The following ADAMTSL1 variants were observed in gnomAD, a reference collection of about 807,000 sequenced individuals.
ADAMTSL1 encodes ADAMTS like 1.
In ADAMTSL1, 126 loss-of-function variants were observed where a neutral mutation model predicts 201.8. The observed-to-expected ratio is 0.62, with a 90% CI of 0.54 to 0.72. The LOEUF is 0.72. ADAMTSL1 is among the 30% of genes least tolerant of loss of function. The pLI is 0.00. For missense variants in ADAMTSL1, 2,679 were observed against 2,277.8 expected, an observed-to-expected ratio of 1.18 and a Z score of -3.59; for synonymous variants, 1,121 against 903.4, an observed-to-expected ratio of 1.24 and a Z score of -4.32.
chr9:18,480,493 C>T (rs1821669804), intron 1 of ADAMTSL1, among the ~76,000 whole-genome samples: 1 of 152,162 alleles, frequency 6.6e-6, no homozygotes, highest in Non-Finnish European at 1.5e-5. Context: ...GAGCACAGCC[C>T]CTCAGTGTCA....
At chr9:18,119,253 T>C (rs909648552) in intron 1 of ADAMTSL1, among the ~76,000 whole-genome samples, 7 of 152,148 alleles carry the variant, frequency 4.6e-5, no homozygotes, top group Non-Finnish European at 1.0e-4. Context: ...TTGTGATTTC[T>C]ACCTATGAAT....
chr9:18,746,932 C>A (rs1819181351), intron 15 of ADAMTSL1, among the ~76,000 whole-genome samples: 1 of 152,158 alleles, frequency 6.6e-6, no homozygotes, highest in Non-Finnish European at 1.5e-5. Flanking sequence ...TCTGCCTTTG[C>A]CCATTTGGCT....
At chr9:18,678,532 C>T (rs1026203520) in intron 10 of ADAMTSL1, among the ~76,000 whole-genome samples, 2 of 152,068 alleles carry the variant, frequency 1.3e-5, no homozygotes, top group African/African-American at 2.4e-5. Context: ...TGATCACTGA[C>T]ATTGAAAAAG....
chr9:18,363,929 G>C (rs1836643792), intron 2 of ADAMTSL1, among the ~76,000 whole-genome samples: 1 of 67,152 alleles, frequency 1.5e-5, no homozygotes, highest in Non-Finnish European at 2.9e-5. Context: ...TAGAAATAGA[G>C]GAAGGAACAT....
At chr9:18,509,604 A>G (rs1282034957) in intron 2 of ADAMTSL1, among the ~76,000 whole-genome samples, 2 of 152,218 alleles carry the variant, frequency 1.3e-5, no homozygotes, top group Non-Finnish European at 2.9e-5. Context: ...CTGCTCCACA[A>G]GTTCCTTATC....
At chr9:18,746,844 C>A (rs894179273) in intron 15 of ADAMTSL1, among the ~76,000 whole-genome samples, 1 of 151,880 alleles carries the variant, frequency 6.6e-6, no homozygotes. Flanking sequence ...GAAGGGTCAA[C>A]CATCATGGGT....
intron 1 of ADAMTSL1, among the ~76,000 whole-genome samples, chr9:18,152,597 C>G (rs898613099): frequency 2.0e-5 from 3 of 151,804 alleles, no homozygotes; most frequent in Non-Finnish European, 2.9e-5. Flanking sequence ...AAGGAATGGC[C>G]AGTGAGTTAG....
At chr9:18,187,092 C>T (rs1828770976) in intron 2 of ADAMTSL1, among the ~76,000 whole-genome samples, 1 of 152,166 alleles carries the variant, frequency 6.6e-6, no homozygotes, top group Non-Finnish European at 1.5e-5. Flanking sequence ...TCATCAGCAA[C>T]TGTCATGTGG....
intron 1 of ADAMTSL1, among the ~76,000 whole-genome samples, chr9:18,047,455 G>A (rs1821715863): frequency 6.6e-6 from 1 of 152,146 alleles, no homozygotes; most frequent in Admixed American, 6.5e-5. Flanking sequence ...AGCTTGAACT[G>A]TCAATAATAC....
At chr9:18,319,356 C>T (rs1834531783) in intron 2 of ADAMTSL1, among the ~76,000 whole-genome samples, 1 of 152,178 alleles carries the variant, frequency 6.6e-6, no homozygotes, top group Non-Finnish European at 1.5e-5. Context: ...TATGTGGCCT[C>T]AGCCTATTGA....
chr9:18,528,095 C>G (rs1396987126), intron 2 of ADAMTSL1, among the ~76,000 whole-genome samples: 1 of 152,174 alleles, frequency 6.6e-6, no homozygotes, highest in Non-Finnish European at 1.5e-5. Flanking sequence ...CCAGGCTGGT[C>G]TTGAACTCCT....
intron 1 of ADAMTSL1, among the ~76,000 whole-genome samples, chr9:18,027,374 C>A (rs917091356): frequency 2.0e-5 from 3 of 151,744 alleles, no homozygotes; most frequent in African/African-American, 7.3e-5. Flanking sequence ...CATCTTAATG[C>A]TGCTTTTGCT....
intron 2 of ADAMTSL1, among the ~76,000 whole-genome samples, chr9:18,229,991 C>G (rs930554347): frequency 5.3e-5 from 8 of 152,152 alleles, no homozygotes; most frequent in Non-Finnish European, 8.8e-5. Flanking sequence ...GCCACCGCAC[C>G]CAGCCATTTA....
chr9:18,623,162 A>T (rs1214024543), intron 5 of ADAMTSL1, among the ~76,000 whole-genome samples: 1 of 151,692 alleles, frequency 6.6e-6, no homozygotes. Context: ...CCCCAAAGTG[A>T]GGGATTACAG....
intron 2 of ADAMTSL1, among the ~76,000 whole-genome samples, chr9:18,430,526 A>C (rs1186528659): frequency 6.6e-6 from 1 of 152,210 alleles, no homozygotes; most frequent in Non-Finnish European, 1.5e-5. Context: ...GTGTGTAGAA[A>C]ACTAAAGCAT....
chr9:18,219,025 T>C (rs987634936), intron 2 of ADAMTSL1, among the ~76,000 whole-genome samples: 11 of 152,036 alleles, frequency 7.2e-5, no homozygotes, highest in African/African-American at 2.7e-4. Flanking sequence ...ATCTGTCATA[T>C]ATCAGTTTCA....
chr9:18,027,767 A>G (rs945718772), intron 1 of ADAMTSL1, among the ~76,000 whole-genome samples: 2 of 151,954 alleles, frequency 1.3e-5, no homozygotes, highest in Non-Finnish European at 2.9e-5. Flanking sequence ...CTGGAACTTC[A>G]TTATTAATTT....
chr9:18,594,682 A>C (rs1245953431), intron 4 of ADAMTSL1, among the ~76,000 whole-genome samples: 1 of 152,072 alleles, frequency 6.6e-6, no homozygotes, highest in East Asian at 1.9e-4. Flanking sequence ...TAATTTCTCT[A>C]TTTAATTTCT....
At chr9:17,928,518 T>G (rs924554798) in intron 1 of ADAMTSL1, among the ~76,000 whole-genome samples, 3 of 152,220 alleles carry the variant, frequency 2.0e-5, no homozygotes, top group African/African-American at 7.2e-5. Flanking sequence ...TGTTTAGTCT[T>G]GTATGTAACC....
Sources: gnomAD v4.1 joint callset for allele counts (sites outside exome capture counted in the v4.1 genomes callset) on GRCh38, gnomAD v4.1.1 for gene constraint, MANE v1.5 for transcripts, NCBI Gene and HGNC (gene_info 2026-07-23, HGNC 2026-07-21) for gene names.